FAM120B: variants seen among roughly 807,000 people sequenced by gnomAD.
The protein encoded by FAM120B is constitutive coactivator of peroxisome proliferator-activated receptor gamma.
Under a neutral mutation model 96.3 loss-of-function variants are expected in FAM120B, and 83 were observed. The observed-to-expected ratio is 0.86, with a 90% CI of 0.72 to 1.03. The LOEUF is 1.03. FAM120B is among the 50% of genes least tolerant of loss of function. FAM120B has a pLI of 0.00. For missense variants in FAM120B, 1,027 were observed against 1,121.2 expected (o/e 0.92, Z 1.20); for synonymous variants, 407 against 402.7 (o/e 1.01, Z -0.13).
chr6:170,316,775 A>ACCCC (rs1337973433), intron 1 of FAM120B, among the ~76,000 whole-genome samples: 1 of 152,200 alleles, frequency 6.6e-6, no homozygotes, highest in Non-Finnish European at 1.5e-5. Context: ...CTAAGTGGTT[A>ACCCC]ATGTATCTGT....
intron 3 of FAM120B, among the ~76,000 whole-genome samples, chr6:170,328,397 C>T (rs1367557096): frequency 6.6e-6 from 1 of 152,198 alleles, no homozygotes; most frequent in Non-Finnish European, 1.5e-5. Context: ...ATGGTTTATG[C>T]AGTACAGGAC....
At position 170,319,079 on chromosome 6, in the gene FAM120B, A is replaced by G; in HGVS notation, c.1689A>G (p.Glu563=). 6.3e-7 allele frequency: 1 copy of G among 1,587,160 alleles called. No individual in the cohort carries two copies. Among genetic ancestry groups the G allele is most frequent in the Non-Finnish European group, 8.6e-7 (1 of 1,168,062 alleles). ...AAGACCCCACAAATGTGGGGCCTGA[A>G]GTAAAGCAACAAGTAACCATGGTTT... ...KQEDPTNVGP[E]VKQQVTMVSD... is the part of the protein sequence containing the mutation. Residue 563 remains glutamate (E), a synonymous_variant, in exon 2 of 11, where the codon GAA becomes GAG. Transcript: ENST00000476287.
In FAM120B at chr6:170,318,761, C is replaced by T. The variant is rs768776894; in HGVS notation, c.1371C>T (p.Pro457=). Residue 457 remains proline, a synonymous_variant, in exon 2 of 11, where the codon CCC becomes CCT. Transcript: ENST00000476287. The stretch of plus-strand genomic sequence containing the variant: ...TTCCCATGTATACAGGCTCTGAACC[C>T]AGGCAAGAAGTTCCCATGTATACAG... The part of the protein sequence containing the change: ...QEVPMYTGSE[P]RQEVPMYTGP... The T allele has an allele frequency of 7.4e-6, 12 of 1,612,952 alleles. No individual in the cohort carries two copies. Among genetic ancestry groups the T allele is most frequent in the Non-Finnish European group, 1.0e-5 (12 of 1,179,724 alleles).
At position 170,323,226 on chromosome 6, in the gene FAM120B, C is replaced by A. The variant is rs370992831; in HGVS notation, c.1882C>A (p.Arg628=). 1.9e-6 allele frequency: 3 copies of A among 1,613,794 alleles called. No individual in the cohort carries two copies. The Admixed American group carries it at 5.0e-5, about 27-fold the overall frequency. ...CTTCATTTACCGTCCCATTCGACAGCGGGTCTACTCACTCTTACTGGAGGA... is the reference window on the plus strand; with the variant it reads ...CTTCATTTACCGTCCCATTCGACAGAGGGTCTACTCACTCTTACTGGAGGA... ...QAFIYRPIRQ[R]VYSLLLEDCQ... is the part of the protein sequence containing the mutation. Residue 628 remains arginine, a synonymous_variant, in exon 3 of 11, where the codon CGG becomes AGG. Transcript: ENST00000476287.
rs114410108 is a variant in FAM120B at position 170,389,705 on chromosome 6, G to A, written c.2490+1212G>A. The stretch of plus-strand genomic sequence containing the variant: ...CTTCTGAGTAGCCAGGACTGCAGGC[G>A]CGCATCACCATGCCCAGCTAATTTT... On this transcript the variant is annotated intron_variant, in intron 7 of 10. Coordinates refer to ENST00000476287, the MANE Select transcript of FAM120B (RefSeq NM_032448.3). 2.4e-3 allele frequency among the ~76,000 whole-genome samples: 359 copies of A among 151,962 alleles called. 1 individual carries two copies. Among genetic ancestry groups the A allele is most frequent in the African/African-American group, 8.1e-3 (336 of 41,428 alleles).
At chr6:170,404,148 G>A (rs1428168436) in intron 9 of FAM120B, 11 of 173,736 alleles carry the variant, frequency 6.3e-5, no homozygotes, top group Non-Finnish European at 1.2e-4. Flanking sequence ...AAGGCAGACA[G>A]TAGCCACCCA....
chr6:170,293,334 A>ATG (rs767116023), upstream of FAM120B, among the ~76,000 whole-genome samples: 22 of 152,176 alleles, frequency 1.4e-4, no homozygotes, highest in Non-Finnish European at 2.4e-4. Flanking sequence ...TAATTAGAAA[A>ATG]TGGAAGTGGA....
Position 170,318,800 on chromosome 6 carries a change from G to A in FAM120B, c.1410G>A (p.Arg470=), listed in dbSNP as rs1353536944. 2 of 1,614,152 alleles carry A rather than the reference G, an allele frequency of 1.2e-6. No individual in the cohort carries two copies. The highest frequency in any genetic ancestry group is 1.7e-6 in the Non-Finnish European group (2 of 1,180,016). The change falls in exon 2 of 11, where the codon AGG becomes AGA. Residue 470 remains arginine, a synonymous_variant. Coordinates refer to ENST00000476287, the MANE Select transcript of FAM120B (RefSeq NM_032448.3). ...CCATGTATACAGGCCCTGAATCCAG[G>A]CAAGAAGTTCCCATGTATACAGGCC... ...EVPMYTGPES[R]QEVPMYTGPE...
At chr6:170,291,189 C>G, upstream of FAM120B, 1 of 657,136 alleles carries the variant, frequency 1.5e-6, no homozygotes, top group Admixed American at 2.1e-5. Context: ...ACAAAACGCA[C>G]TCATTTACAT....
chr6:170,362,421 T>C (rs1222981811), intron 6 of FAM120B, among the ~76,000 whole-genome samples: 3 of 152,160 alleles, frequency 2.0e-5, no homozygotes, highest in African/African-American at 7.2e-5. Flanking sequence ...TCTAGGAATG[T>C]GGAAAGAGGT....
At chr6:170,332,236 C>T (rs147526447) in intron 4 of FAM120B, among the ~76,000 whole-genome samples, 296 of 152,306 alleles carry the variant, frequency 1.9e-3, no homozygotes, top group African/African-American at 6.9e-3. Flanking sequence ...TACACTTGCA[C>T]TAATGCAATA....
At chr6:170,384,408 G>A (rs1329113952) in intron 6 of FAM120B, among the ~76,000 whole-genome samples, 1 of 152,152 alleles carries the variant, frequency 6.6e-6, no homozygotes, top group African/African-American at 2.4e-5. Context: ...CAACCAAACA[G>A]ATACCTAAGG....
At chr6:170,333,516 T>G (rs1237648481) in intron 4 of FAM120B, among the ~76,000 whole-genome samples, 1 of 150,542 alleles carries the variant, frequency 6.6e-6, no homozygotes, top group Non-Finnish European at 1.5e-5. Context: ...GTGAGCCTCA[T>G]CTTTTTTTTT....
rs1165645071 is a variant in FAM120B, at chr6:170,363,113, T to C, written c.2283+4795T>C. ...CTGAAAGCCACAAAACCATCACCCC[T>C]CCTCCTGCTGGCTTTGTCTCCAGCC... On this transcript the variant is annotated intron_variant, in intron 6 of 10. Transcript: ENST00000476287. This position sits in a 1 kb window ranked among gnomAD's most constrained non-coding sequence, Gnocchi z 4.5. Among the ~76,000 whole-genome samples, 1 of 152,088 alleles carries C rather than the reference T, an allele frequency of 6.6e-6. No individual in the cohort carries two copies. Among genetic ancestry groups the C allele is most frequent in the Non-Finnish European group, 1.5e-5 (1 of 68,006 alleles).
At chr6:170,324,341 A>G (rs754551543) in intron 3 of FAM120B, among the ~76,000 whole-genome samples, 3 of 152,222 alleles carry the variant, frequency 2.0e-5, no homozygotes, top group Non-Finnish European at 4.4e-5. Flanking sequence ...CACCTCTGTG[A>G]CCTAAGGAAG....
intron 8 of FAM120B, among the ~76,000 whole-genome samples, chr6:170,395,155 T>C (rs1454610659): frequency 6.6e-6 from 1 of 152,110 alleles, no homozygotes; most frequent in East Asian, 1.9e-4. Context: ...GGGATGGGCT[T>C]GGTCATGGGC....
chr6:170,388,106 C>T (rs374003819), intron 6 of FAM120B, among the ~76,000 whole-genome samples, 181 bp from the exon 7 acceptor site: 1 of 152,186 alleles, frequency 6.6e-6, no homozygotes, highest in Non-Finnish European at 1.5e-5. Context: ...GAGGTTGTTT[C>T]CAAGGCCTCT....
intron 9 of FAM120B, among the ~76,000 whole-genome samples, chr6:170,402,870 A>G (rs1357964630): frequency 3.3e-5 from 5 of 152,206 alleles, no homozygotes; most frequent in African/African-American, 9.6e-5. Context: ...CACCACTTCA[A>G]GGCTGTGCCC....
At chr6:170,389,224 A>G (rs1041770712) in intron 7 of FAM120B, among the ~76,000 whole-genome samples, 4 of 152,226 alleles carry the variant, frequency 2.6e-5, no homozygotes, top group African/African-American at 7.2e-5. Context: ...CACAAAGTTC[A>G]TGTATGTCTC....
Sources: allele counts gnomAD v4.1 joint callset (sites outside exome capture counted in the v4.1 genomes callset), GRCh38; gene constraint gnomAD v4.1.1; non-coding constraint Gnocchi (gnomAD v3.1); transcripts MANE v1.5; gene names NCBI Gene and HGNC (gene_info 2026-07-23, HGNC 2026-07-21).